CSAD: variants seen among roughly 807,000 people sequenced by gnomAD.
The protein encoded by CSAD is cysteine sulfinic acid decarboxylase, also known as P-selectin cytoplasmic tail-associated protein.
In CSAD, 47 loss-of-function variants were observed where a neutral mutation model predicts 61.5. The observed-to-expected ratio is 0.76, with a 90% CI of 0.60 to 0.97. The LOEUF (loss-of-function observed/expected upper bound fraction) is 0.97. Among genes scored for constraint, CSAD ranks in the 50% least tolerant of loss-of-function variants. CSAD has a pLI of 0.00. For missense variants in CSAD, 611 were observed against 643.6 expected (o/e 0.95, Z 0.55); for synonymous variants, 245 against 252.7 (o/e 0.97, Z 0.29).
chr12:53,172,058 C>A, intron 6 of CSAD, 70 bp from the exon 7 acceptor site: 2 of 1,093,196 alleles, frequency 1.8e-6, no homozygotes, highest in Admixed American at 2.0e-5. Flanking sequence ...TTAAACTGCA[C>A]AGGAGTCACA....
intron 2 of CSAD, among the ~76,000 whole-genome samples, chr12:53,177,498 C>T (rs765797798): frequency 1.2e-4 from 18 of 151,606 alleles, no homozygotes; most frequent in Non-Finnish European, 2.1e-4. Context: ...AGACAGTTTA[C>T]AAAAACAATT....
Position 53,170,103 on chromosome 12 carries a change from A to G in CSAD, c.671T>C (p.Leu224Pro). 1 of 1,614,126 alleles carries G rather than the reference A, an allele frequency of 6.2e-7. No individual in the cohort carries two copies. ...CTCGGCCATACCAATCTGCCTCTCC[A>G]GATCCTCGGGGACCATTTTCCCTCT... ...DERGKMVPED[L>P]ERQIGMAEAE... The change falls in exon 10 of 17, where the codon CTG becomes CCG. Residue 224 changes from leucine to proline, a missense_variant. Physicochemically the swap from Leu to Pro is moderately conservative, Grantham distance 98. Transcript: ENST00000444623.
chr12:53,176,569 A>G (rs1343371680), intron 2 of CSAD, among the ~76,000 whole-genome samples: 2 of 151,638 alleles, frequency 1.3e-5, no homozygotes, highest in African/African-American at 4.8e-5. Flanking sequence ...AATACAAAAA[A>G]TTAGCCCGGC....
Position 53,161,170 on chromosome 12 carries a change from G to A in CSAD, c.841C>T (p.Leu281=). 6.2e-7 allele frequency: 1 copy of A among 1,614,162 alleles called. No homozygotes were observed. Among genetic ancestry groups the A allele is most frequent in the Non-Finnish European group, 8.5e-7 (1 of 1,180,026 alleles). The change falls in exon 12 of 17, where the codon CTG becomes TTG. Residue 281 remains leucine, a synonymous_variant. Coordinates refer to ENST00000444623, the MANE Select transcript of CSAD (RefSeq NM_001244705.2). Reference sequence around the variant, plus strand: ...AGATGCCTGTGTGTCTGTGACAGCAGGACGCTCCCACCCCAGGCAGCCTGT... The same window carrying A: ...AGATGCCTGTGTGTCTGTGACAGCAAGACGCTCCCACCCCAGGCAGCCTGT... ...HVDAAWGGSV[L]LSQTHRHLLD...
intron 7 of CSAD, 56 bp downstream of exon 7, chr12:53,171,826 G>A (rs1463957572): frequency 2.7e-6 from 3 of 1,123,004 alleles, no homozygotes; most frequent in Non-Finnish European, 2.7e-6. Context: ...AGAGAACGGT[G>A]GGGGAGGAGG....
intron 10 of CSAD, among the ~76,000 whole-genome samples, chr12:53,169,306 C>G (rs552636414): frequency 4.0e-5 from 6 of 151,510 alleles, no homozygotes; most frequent in African/African-American, 1.5e-4. Flanking sequence ...ATGCAGAAAC[C>G]CCATCTCTAC....
intron 10 of CSAD, chr12:53,164,590 G>T (rs1467859858): frequency 2.0e-5 from 3 of 153,790 alleles, no homozygotes; most frequent in African/African-American, 4.8e-5. Context: ...GCGGGAGGGA[G>T]GGGAGAAAAG....
Position 53,171,402 on chromosome 12 carries a change from C to A in CSAD, c.491G>T (p.Arg164Leu). 1 of 1,613,932 alleles carries A rather than the reference C, an allele frequency of 6.2e-7. No individual in the cohort carries two copies. Among genetic ancestry groups the A allele is most frequent in the Non-Finnish European group, 8.5e-7 (1 of 1,180,008 alleles). The change falls in exon 8 of 17, where the codon CGC becomes CTC. Residue 164 changes from arginine (R) to leucine (L), a missense_variant. Arg to Leu is a moderately radical substitution (Grantham distance 102, BLOSUM62 -2). Transcript: ENST00000444623. ...ISNMYAVNLA[R>L]YQRYPDCKQR... ...CTTGCAATCCGGGTAGCGCTGATAG[C>A]GGGCCAGATTTACAGCATACATGTT...
chr12:53,173,787 C>T lies in CSAD; in HGVS notation c.-49-17G>A. The T allele has an allele frequency of 2.5e-6, 4 of 1,612,826 alleles. No homozygotes were observed. The highest frequency in any genetic ancestry group is 2.2e-5 in the East Asian group (1 of 44,874). On this transcript the variant is annotated splice_polypyrimidine_tract_variant and intron_variant, in intron 2 of 16. Transcript: ENST00000444623. Reference sequence around the variant, plus strand: ...AGGTAGCTCCTCAGGACAGCAGGACCAAGATGGCAGAGGAAGTGGGGTGAA... The same window carrying T: ...AGGTAGCTCCTCAGGACAGCAGGACTAAGATGGCAGAGGAAGTGGGGTGAA...
rs576328194 is a variant in CSAD at position 53,168,313 on chromosome 12, G to A, written c.702+1759C>T. On this transcript the variant is annotated intron_variant, in intron 10 of 16. Transcript: ENST00000444623. ...ATTGTGATGATGTTTGCACAACTCT[G>A]CAAATATGCTAAACCACTAAATAGT... is the stretch of plus-strand genomic sequence containing the variant. Among the ~76,000 whole-genome samples the A allele has an allele frequency of 2.0e-5, 3 of 152,280 alleles. No individual in the cohort carries two copies. The East Asian group carries it at 5.8e-4, about 29-fold the overall frequency.
At chr12:53,159,589 C>A in intron 16 of CSAD, 34 bp downstream of exon 16, 1 of 1,580,624 alleles carries the variant, frequency 6.3e-7, no homozygotes. Context: ...CATCAGCTCC[C>A]TAACGGGTAA....
intron 2 of CSAD, chr12:53,178,454 T>C (rs1941276290): frequency 4.5e-6 from 2 of 442,006 alleles, no homozygotes; most frequent in Non-Finnish European, 9.0e-6. Flanking sequence ...ACTGCACCAT[T>C]GCACTCCAGC....
intron 13 of CSAD, 61 bp from the exon 14 acceptor site, chr12:53,160,380 C>T: frequency 1.3e-6 from 2 of 1,532,158 alleles, no homozygotes; most frequent in Admixed American, 3.4e-5. Context: ...TCCTCCAGGG[C>T]TGCACTGTGG....
rs1229664748 is a variant in CSAD, at chr12:53,159,666, C to T, written c.1265G>A (p.Arg422Gln). 11 of 1,611,680 alleles carry T rather than the reference C, an allele frequency of 6.8e-6. No homozygotes were observed. Among genetic ancestry groups the T allele is most frequent in the Admixed American group, 3.4e-5 (2 of 59,588 alleles). The change falls in exon 16 of 17, where the codon CGA (arginine) becomes CAA (glutamine). Residue 422 changes from arginine (R) to glutamine (Q), a missense_variant. Coordinates refer to ENST00000444623, the MANE Select transcript of CSAD (RefSeq NM_001244705.2). ...VCFWFVPPSL[R>Q]GKQESPDYHE... is the part of the protein sequence containing the mutation. The stretch of plus-strand genomic sequence containing the variant: ...GTAATCTGGACTCTCCTGCTTCCCT[C>T]GCAGGCTGGGGGGTACGAACCAGAA...
At chr12:53,160,061 G>T in intron 14 of CSAD, 59 bp downstream of exon 14, 1 of 1,604,216 alleles carries the variant, frequency 6.2e-7, no homozygotes, top group South Asian at 1.1e-5. Context: ...CAGGAAAGAG[G>T]GAGGGGCATG....
chr12:53,160,325 TG>T lies in CSAD; in HGVS notation c.967-7del. Reference sequence around the variant, plus strand: ...TGGCAGCGCTTGAGCAGGTTCTGTGTGGGGGTGAGGAGATTGTCAGACCCTA... The same window carrying T: ...TGGCAGCGCTTGAGCAGGTTCTGTGTGGGGTGAGGAGATTGTCAGACCCTA... On this transcript the variant is annotated splice_region_variant and splice_polypyrimidine_tract_variant and intron_variant, in intron 13 of 16. Transcript: ENST00000444623. The T allele has an allele frequency of 6.2e-7, 1 of 1,614,022 alleles. No individual in the cohort carries two copies. Among genetic ancestry groups the T allele is most frequent in the Non-Finnish European group, 8.5e-7 (1 of 1,179,972 alleles).
At chr12:53,178,151 A>ATT (rs1941247963) in intron 2 of CSAD, among the ~76,000 whole-genome samples, 1 of 152,178 alleles carries the variant, frequency 6.6e-6, no homozygotes, top group African/African-American at 2.4e-5. Context: ...ACAAACTTTT[A>ATT]CAATTCATTT....
At chr12:53,166,369 CGT>C (rs1939941539) in intron 10 of CSAD, 1 of 152,930 alleles carries the variant, frequency 6.5e-6, no homozygotes, top group Admixed American at 6.5e-5. Context: ...AGACAAATAC[CGT>C]GTGATTCCAC....
upstream of CSAD, chr12:53,181,292 G>C: frequency 1.0e-6 from 1 of 985,422 alleles, no homozygotes; most frequent in Non-Finnish European, 1.2e-6. Context: ...CGCCACCGAA[G>C]CACCCAGCGA....
Sources: allele counts gnomAD v4.1 joint callset (sites outside exome capture counted in the v4.1 genomes callset), GRCh38; gene constraint gnomAD v4.1.1; transcripts MANE v1.5; gene names NCBI Gene and HGNC (gene_info 2026-07-23, HGNC 2026-07-21).